The following GNAQ variants were observed in gnomAD, a reference collection of about 807,000 sequenced individuals.
GNAQ encodes the protein guanine nucleotide-binding protein G(q) subunit alpha.
GNAQ carries 8 observed loss-of-function variants against 43.9 expected under a neutral mutation model. The observed-to-expected ratio is 0.18, with a 90% CI of 0.11 to 0.33. The LOEUF (loss-of-function observed/expected upper bound fraction) is 0.33, where lower values mean the gene tolerates loss of function less well. Among genes scored for constraint, GNAQ ranks in the 10% least tolerant of loss-of-function variants. The probability of loss-of-function intolerance (pLI) is 1.00; values close to 1 mark genes in which losing one functional copy is unlikely to be tolerated. For missense variants in GNAQ, 158 were observed against 450.8 expected, an observed-to-expected ratio of 0.35 and a Z score of 5.88; for synonymous variants, 155 against 170.7, an observed-to-expected ratio of 0.91 and a Z score of 0.71.
At chr9:77,970,945 T>C (rs1823230304) in intron 1 of GNAQ, among the ~76,000 whole-genome samples, 1 of 152,010 alleles carries the variant, frequency 6.6e-6, no homozygotes, top group Non-Finnish European at 1.5e-5. Context: ...ATAAAGGGGA[T>C]ATCACCACCG....
chr9:77,895,197 CAAA>C (rs35874480), intron 2 of GNAQ, among the ~76,000 whole-genome samples: 5 of 115,564 alleles, frequency 4.3e-5, no homozygotes. Context: ...GACTCCATCT[CAAA>C]AAAAAAAAAA....
intron 1 of GNAQ, among the ~76,000 whole-genome samples, chr9:77,966,178 A>C (rs1564165088): frequency 1.3e-5 from 2 of 152,080 alleles, no homozygotes; most frequent in Non-Finnish European, 2.9e-5. Flanking sequence ...GATAGGTGGG[A>C]GGGAGGATAA....
chr9:77,890,451 C>T (rs1212148487), intron 2 of GNAQ, among the ~76,000 whole-genome samples: 1 of 152,120 alleles, frequency 6.6e-6, no homozygotes, highest in Non-Finnish European at 1.5e-5. Context: ...AGGCTGGGCA[C>T]AGTGGCTCAT....
chr9:77,882,305 T>C (rs1314125444), intron 2 of GNAQ, among the ~76,000 whole-genome samples: 1 of 152,156 alleles, frequency 6.6e-6, no homozygotes, highest in Non-Finnish European at 1.5e-5. Flanking sequence ...AAATGGGAGA[T>C]GAGAATTACT....
chr9:77,755,014 T>C (rs1179778616), intron 5 of GNAQ, among the ~76,000 whole-genome samples: 1 of 152,094 alleles, frequency 6.6e-6, no homozygotes, highest in Non-Finnish European at 1.5e-5. Context: ...ATAAAGAAAA[T>C]GTGATACATA....
At chr9:77,858,966 C>G (rs1378372150) in intron 2 of GNAQ, among the ~76,000 whole-genome samples, 1 of 152,106 alleles carries the variant, frequency 6.6e-6, no homozygotes, top group East Asian at 1.9e-4. Flanking sequence ...CTTTCCATCT[C>G]CATACTTAGG....
At chr9:77,851,129 A>C (rs1827669876) in intron 2 of GNAQ, among the ~76,000 whole-genome samples, 1 of 152,246 alleles carries the variant, frequency 6.6e-6, no homozygotes, top group South Asian at 2.1e-4. Flanking sequence ...GACACTTAAC[A>C]TACTTGTTTT....
At chr9:77,906,144 G>C (rs898641842) in intron 2 of GNAQ, among the ~76,000 whole-genome samples, 64 of 152,206 alleles carry the variant, frequency 4.2e-4, no homozygotes, top group East Asian at 3.9e-4. Flanking sequence ...GATACTACCT[G>C]ACATGTAATT....
At chr9:77,838,707 C>T (rs770648456) in intron 2 of GNAQ, among the ~76,000 whole-genome samples, 12 of 152,028 alleles carry the variant, frequency 7.9e-5, no homozygotes, top group East Asian at 1.9e-4. Flanking sequence ...GGTGAGCCAC[C>T]GTGCCCGGCC....
At chr9:77,849,480 G>A (rs1007424515) in intron 2 of GNAQ, among the ~76,000 whole-genome samples, 1 of 152,046 alleles carries the variant, frequency 6.6e-6, no homozygotes, top group Non-Finnish European at 1.5e-5. Flanking sequence ...TGACCCCATG[G>A]GTACCTTACC....
intron 2 of GNAQ, among the ~76,000 whole-genome samples, chr9:77,835,428 G>A (rs1827367493): frequency 6.6e-6 from 1 of 152,040 alleles, no homozygotes; most frequent in South Asian, 2.1e-4. Context: ...GTGAGGAAAG[G>A]AAATCTAATA....
chr9:77,870,281 A>G (rs1332475059), intron 2 of GNAQ, among the ~76,000 whole-genome samples: 4 of 150,936 alleles, frequency 2.7e-5, no homozygotes, highest in African/African-American at 4.9e-5. Flanking sequence ...TACAGGAAGC[A>G]GTTTGAAACC....
intron 1 of GNAQ, among the ~76,000 whole-genome samples, chr9:77,992,304 CG>C (rs1159642183): frequency 7.9e-5 from 12 of 152,132 alleles, no homozygotes; most frequent in Admixed American, 7.9e-4. Flanking sequence ...CCTTAATTTC[CG>C]TAACAGAAAA....
chr9:77,844,618 T>C (rs769970758), intron 2 of GNAQ, among the ~76,000 whole-genome samples: 6 of 152,178 alleles, frequency 3.9e-5, no homozygotes, highest in Non-Finnish European at 5.9e-5. Context: ...CTGCTGTGTG[T>C]CCTTGAGAAA....
chr9:77,982,590 C>A (rs1009745648), intron 1 of GNAQ, among the ~76,000 whole-genome samples: 1 of 151,892 alleles, frequency 6.6e-6, no homozygotes, highest in African/African-American at 2.4e-5. Flanking sequence ...ATGTGAACTC[C>A]CTGAAAAGCT....
intron 3 of GNAQ, among the ~76,000 whole-genome samples, chr9:77,800,061 T>C (rs1188638761): frequency 1.3e-5 from 2 of 152,176 alleles, no homozygotes; most frequent in African/African-American, 4.8e-5. Context: ...TGTATTTCAC[T>C]CTACTGATAA....
intron 5 of GNAQ, among the ~76,000 whole-genome samples, chr9:77,772,118 A>T (rs1332682848): frequency 6.6e-6 from 1 of 152,166 alleles, no homozygotes; most frequent in East Asian, 1.9e-4. Context: ...AAAAATTATG[A>T]CCCATATTAA....
chr9:77,961,902 T>C (rs1445969147), intron 1 of GNAQ, among the ~76,000 whole-genome samples: 11 of 152,142 alleles, frequency 7.2e-5, no homozygotes. Context: ...AGGATGTTTT[T>C]TAAAAAGCAG....
At chr9:77,871,471 C>T (rs541678955) in intron 2 of GNAQ, among the ~76,000 whole-genome samples, 1 of 152,324 alleles carries the variant, frequency 6.6e-6, no homozygotes, top group African/African-American at 2.4e-5. Flanking sequence ...TTCTCTAAAT[C>T]ACAGACATGG....
Sources: gnomAD v4.1 joint callset for allele counts (sites outside exome capture counted in the v4.1 genomes callset) on GRCh38, gnomAD v4.1.1 for gene constraint, MANE v1.5 for transcripts, NCBI Gene and HGNC (gene_info 2026-07-23, HGNC 2026-07-21) for gene names.